Variants in BEND5 observed in about 807,000 individuals in gnomAD.
The protein encoded by BEND5 is BEN domain containing 5.
BEND5 carries 22 observed loss-of-function variants against 43.9 expected under a neutral mutation model. The observed-to-expected ratio is 0.50, with a 90% confidence interval of 0.36 to 0.72. BEND5 has a LOEUF of 0.72. BEND5 is among the 30% of genes least tolerant of loss of function. The pLI is 0.00. For missense variants in BEND5, 428 were observed against 550.6 expected (o/e 0.78, Z 2.23); for synonymous variants, 228 against 225.9 (o/e 1.01, Z -0.08).
In BEND5 at chr1:48,736,627, G is replaced by A. The variant is rs755423363; in HGVS notation, c.895-175C>T. Among the ~76,000 whole-genome samples the A allele has an allele frequency of 8.5e-5, 13 of 152,180 alleles. No individual in the cohort carries two copies. Among genetic ancestry groups the A allele is most frequent in the Non-Finnish European group, 2.9e-5 (2 of 68,032 alleles). The stretch of plus-strand genomic sequence containing the variant: ...CTATCATCTACTGAATACGTGTAGT[G>A]TGCCAGGCCTTATTCTAGGGCTTTA... On this transcript the variant is annotated intron_variant, in intron 4 of 5. Coordinates refer to ENST00000371833, the MANE Select transcript of BEND5 (RefSeq NM_024603.4). This position sits in a 1 kb window ranked among gnomAD's most constrained non-coding sequence, Gnocchi z 4.0.
chr1:48,755,228 T>C (rs1242807252), intron 3 of BEND5, among the ~76,000 whole-genome samples: 1 of 152,146 alleles, frequency 6.6e-6, no homozygotes. Flanking sequence ...TGCTTCCCAC[T>C]CTGAGTCCCC....
At chr1:48,734,602 G>A (rs1648717442) in intron 5 of BEND5, among the ~76,000 whole-genome samples, 1 of 152,126 alleles carries the variant, frequency 6.6e-6, no homozygotes, top group South Asian at 2.1e-4. Context: ...GCCATCTGGG[G>A]CTTCTTCACA....
In BEND5 at chr1:48,730,581, A is replaced by G. The variant is rs972974033; in HGVS notation, c.1109-2538T>C. ...AGTCAGGGAAGTGGTAGAAGGAGAA[A>G]GGTGCAAATGGAGGAAGGTTTTTGG... On this transcript the variant is annotated intron_variant, in intron 5 of 5. Coordinates refer to ENST00000371833, the MANE Select transcript of BEND5 (RefSeq NM_024603.4). 2.6e-5 allele frequency among the ~76,000 whole-genome samples: 4 copies of G among 152,142 alleles called. No individual in the cohort carries two copies. The East Asian group carries it at 7.7e-4, about 29-fold the overall frequency.
Position 48,759,006 on chromosome 1 carries a change from T to C in BEND5, c.639A>G (p.Gln213=), listed in dbSNP as rs369197717. 8.1e-6 allele frequency: 13 copies of C among 1,614,026 alleles called. No homozygotes were observed. In the African/African-American group the frequency reaches 9.3e-5, roughly 12 times the overall value. Reference sequence around the variant, plus strand: ...CGTACTCCTTGAGCTTCTTGGCCTGTTGTACCAGCTGCCTCCGAGTCCGCT... The same window carrying C: ...CGTACTCCTTGAGCTTCTTGGCCTGCTGTACCAGCTGCCTCCGAGTCCGCT... The part of the protein sequence containing the change: ...ELERTRRQLV[Q]QAKKLKEYGA... Residue 213 remains glutamine (Q), a synonymous_variant, in exon 3 of 6, where the codon CAA becomes CAG. Coordinates refer to ENST00000371833, the MANE Select transcript of BEND5 (RefSeq NM_024603.4).
intron 3 of BEND5, among the ~76,000 whole-genome samples, chr1:48,749,511 G>T (rs892342238): frequency 6.6e-6 from 1 of 152,138 alleles, no homozygotes; most frequent in Admixed American, 6.5e-5. Context: ...TCAAACTCAG[G>T]GTTGTCAGAT....
chr1:48,744,337 C>T (rs1300299650), intron 3 of BEND5, among the ~76,000 whole-genome samples: 1 of 152,196 alleles, frequency 6.6e-6, no homozygotes, highest in Non-Finnish European at 1.5e-5. Flanking sequence ...AAAGTTTCTT[C>T]TCTCTGTGTG....
chr1:48,754,429 G>T (rs1053425096), intron 3 of BEND5, among the ~76,000 whole-genome samples: 2 of 152,082 alleles, frequency 1.3e-5, no homozygotes, highest in East Asian at 3.9e-4. Flanking sequence ...TGGAACAAAG[G>T]ATACCCTCGA....
intron 5 of BEND5, among the ~76,000 whole-genome samples, chr1:48,728,985 A>G (rs897689015): frequency 6.6e-6 from 1 of 152,226 alleles, no homozygotes; most frequent in Non-Finnish European, 1.5e-5. Flanking sequence ...TAAAGCAAAA[A>G]GCCAGCTCCA....
Position 48,776,695 on chromosome 1 carries a change from T to G in BEND5, c.137A>C (p.Glu46Ala). ...GGGGCTCTCGGGCCCGGCGCCCAAT[T>G]CCTCCGGGCCCCGGTACACGGCGTA... ...KVYAVYRGPE[E>A]LGAGPESPPR... The change falls in exon 1 of 6, where the codon GAA becomes GCA. Residue 46 changes from glutamate (E) to alanine (A), a missense_variant. By Grantham distance (107) the Glu-to-Ala change is moderately radical. This residue lies in a region of BEND5 where 107 missense variants were observed against 98.8 expected (regional missense o/e 1.08). Coordinates refer to ENST00000371833, the MANE Select transcript of BEND5 (RefSeq NM_024603.4). 2 of 1,515,002 alleles carry G rather than the reference T, an allele frequency of 1.3e-6. No homozygotes were observed. Among genetic ancestry groups the G allele is most frequent in the Non-Finnish European group, 1.8e-6 (2 of 1,132,876 alleles). The allele number at this position is 1,515,002 out of a possible 1,614,324, so 93.8% of individuals were successfully genotyped here. A position where few individuals can be genotyped will look rare whatever the true frequency, so the allele number is the denominator to read the frequency against.
intron 3 of BEND5, among the ~76,000 whole-genome samples, chr1:48,753,783 G>A (rs2148639195): frequency 6.6e-6 from 1 of 152,188 alleles, no homozygotes; most frequent in East Asian, 1.9e-4. Flanking sequence ...ATGTCAAGGT[G>A]CTTTAAAACC....
rs1194193968 is a variant in BEND5 at position 48,736,849 on chromosome 1, C to T, written c.895-397G>A. ...CTCAGAGCCTTACCAAATCTCAGGACACCCATGCTTAACTTCTTTCTGTGT... is the reference window on the plus strand; with the variant it reads ...CTCAGAGCCTTACCAAATCTCAGGATACCCATGCTTAACTTCTTTCTGTGT... On this transcript the variant is annotated intron_variant, in intron 4 of 5. Transcript: ENST00000371833. The surrounding 1 kb of genome is among the most constrained non-coding windows in gnomAD (Gnocchi z 4.0). Among the ~76,000 whole-genome samples the T allele has an allele frequency of 6.6e-6, 1 of 152,174 alleles. No homozygotes were observed. The highest frequency in any genetic ancestry group is 1.9e-4 in the East Asian group (1 of 5,190).
intron 3 of BEND5, among the ~76,000 whole-genome samples, chr1:48,751,208 T>C (rs761900590): frequency 7.2e-5 from 11 of 152,242 alleles, no homozygotes; most frequent in Non-Finnish European, 1.3e-4. Context: ...TGAGGCCATG[T>C]TGCCTGGTAA....
At chr1:48,774,993 A>G (rs1369561666) in intron 1 of BEND5, among the ~76,000 whole-genome samples, 1 of 152,230 alleles carries the variant, frequency 6.6e-6, no homozygotes, top group South Asian at 2.1e-4. Context: ...GCAAAAGGGA[A>G]GCTAAGGTTA....
rs547992629 is a variant in BEND5 at position 48,729,076 on chromosome 1, C to A, written c.1109-1033G>T. 3.3e-5 allele frequency among the ~76,000 whole-genome samples: 5 copies of A among 152,286 alleles called. No individual in the cohort carries two copies. The East Asian group carries it at 9.6e-4, about 29-fold the overall frequency. ...GCAACTCACTGCCCTAGATTCCTCACTTCATAAATAAGGATAACAAACTAC... is the reference window on the plus strand; with the variant it reads ...GCAACTCACTGCCCTAGATTCCTCAATTCATAAATAAGGATAACAAACTAC... On this transcript the variant is annotated intron_variant, in intron 5 of 5. Transcript: ENST00000371833.
intron 1 of BEND5, among the ~76,000 whole-genome samples, chr1:48,772,434 C>T (rs1406156244): frequency 6.6e-6 from 1 of 152,100 alleles, no homozygotes; most frequent in African/African-American, 2.4e-5. Context: ...AGGCAGAGGC[C>T]CCATATCAGA....
At chr1:48,763,115 CAACAA>C (rs1644360093) in intron 1 of BEND5, among the ~76,000 whole-genome samples, 1 of 151,916 alleles carries the variant, frequency 6.6e-6, no homozygotes, top group Non-Finnish European at 1.5e-5. Context: ...ACAACAACAA[CAACAA>C]CAACAACAAC....
chr1:48,757,346 T>C lies in BEND5; in HGVS notation c.745+1554A>G, dbSNP rs148446677. 1.0e-3 allele frequency among the ~76,000 whole-genome samples: 157 copies of C among 152,360 alleles called. 2 individuals carry two copies. In the South Asian group the frequency reaches 0.025, roughly 24 times the overall value. On this transcript the variant is annotated intron_variant, in intron 3 of 5. Coordinates refer to ENST00000371833, the MANE Select transcript of BEND5 (RefSeq NM_024603.4). ...CAGCTTTTACAAATTTTTACATTTA[T>C]GATTTCTCTTTGAGATTTTATTTTA...
intron 1 of BEND5, among the ~76,000 whole-genome samples, chr1:48,761,869 T>A (rs930554726): frequency 3.9e-5 from 6 of 152,192 alleles, no homozygotes; most frequent in Admixed American, 2.0e-4. Context: ...GCCAAGTGTC[T>A]TCCCAGGAGA....
In BEND5 at chr1:48,759,160, T is replaced by C. The variant is rs1644119668; in HGVS notation, c.485A>G (p.Glu162Gly). 6.2e-7 allele frequency: 1 copy of C among 1,614,064 alleles called. No homozygotes were observed. The highest frequency in any genetic ancestry group is 1.7e-5 in the Admixed American group (1 of 60,000). ...CATGTCCTCTGTGCCTGGCGAGGCC[T>C]CCACGAAGACCTCTTCCGGACACGT... Reference protein sequence around the residue: ...HSTCPEEVFVEASPGTEDMDS... With the variant: ...HSTCPEEVFVGASPGTEDMDS... The change falls in exon 3 of 6, where the codon GAG becomes GGG. Residue 162 changes from glutamate (E) to glycine (G), a missense_variant. Physicochemically the swap from Glu to Gly is moderately conservative, Grantham distance 98. Coordinates refer to ENST00000371833, the MANE Select transcript of BEND5 (RefSeq NM_024603.4).
Sources: gnomAD v4.1 joint callset for allele counts (sites outside exome capture counted in the v4.1 genomes callset) on GRCh38, gnomAD v4.1.1 for gene constraint, gnomAD v4.1.1 regional missense constraint, Gnocchi (gnomAD v3.1) non-coding constraint, MANE v1.5 for transcripts, NCBI Gene and HGNC (gene_info 2026-07-23, HGNC 2026-07-21) for gene names.